Variants in CLMP observed in about 807,000 individuals in gnomAD.
CLMP encodes the protein CXADR-like membrane protein.
In CLMP, 27 loss-of-function variants were observed where a neutral mutation model predicts 45.2. The observed-to-expected ratio is 0.60, with a 90% CI of 0.44 to 0.82. CLMP has a LOEUF of 0.82. CLMP is among the 40% of genes least tolerant of loss of function. The pLI is 0.00. For synonymous variants in CLMP, 167 were observed against 171.4 expected (o/e 0.97, Z 0.20); for missense variants, 403 against 448.4 (o/e 0.90, Z 0.91).
intron 1 of CLMP, among the ~76,000 whole-genome samples, chr11:123,110,049 C>G (rs1367705543): frequency 6.6e-6 from 1 of 152,180 alleles, no homozygotes; most frequent in Non-Finnish European, 1.5e-5. Context: ...GGCCACAAAA[C>G]AAGTAATAGG....
intron 1 of CLMP, among the ~76,000 whole-genome samples, chr11:123,172,732 T>G (rs1833346844): frequency 1.3e-5 from 2 of 152,336 alleles, no homozygotes; most frequent in South Asian, 4.1e-4. Flanking sequence ...GTGATCCACC[T>G]GCCTTGGCCT....
chr11:123,100,381 A>AG (rs1241078349), intron 1 of CLMP, among the ~76,000 whole-genome samples: 5 of 141,362 alleles, frequency 3.5e-5, no homozygotes, highest in African/African-American at 1.3e-4. Flanking sequence ...ACTCCCTCTC[A>AG]GAAAAAAAAA....
chr11:123,106,789 G>C (rs1485923335), intron 1 of CLMP, among the ~76,000 whole-genome samples: 1 of 152,036 alleles, frequency 6.6e-6, no homozygotes, highest in Non-Finnish European at 1.5e-5. Context: ...GGGAGGTCGA[G>C]GTGGGCGGAT....
chr11:123,093,265 A>G (rs1433851520), intron 2 of CLMP, among the ~76,000 whole-genome samples: 3 of 152,180 alleles, frequency 2.0e-5, no homozygotes, highest in Non-Finnish European at 4.4e-5. Flanking sequence ...AGACTGTCTC[A>G]ATATTTAATG....
chr11:123,097,904 A>T lies in CLMP; in HGVS notation c.77T>A (p.Val26Glu). ...TLGTHTEIKR[V>E]AEEKVTLPCH... ...GGGCAAAGTGACCTTTTCCTCTGCC[A>T]CTCTCTTGATCTCAGTGTGAGTCCC... Residue 26 changes from valine (V) to glutamate (E), a missense_variant, in exon 2 of 7, where the codon GTG becomes GAG. Transcript: ENST00000448775. 1 of 1,607,246 alleles carries T rather than the reference A, an allele frequency of 6.2e-7. No homozygotes were observed. Among genetic ancestry groups the T allele is most frequent in the Non-Finnish European group, 8.5e-7 (1 of 1,177,060 alleles).
chr11:123,183,540 C>T (rs532669183), intron 1 of CLMP, among the ~76,000 whole-genome samples: 98 of 152,220 alleles, frequency 6.4e-4, no homozygotes, highest in African/African-American at 2.3e-3. Flanking sequence ...CTGAGGGTCA[C>T]TCTTTGAGTA....
intron 1 of CLMP, among the ~76,000 whole-genome samples, chr11:123,145,767 C>A (rs867656745): frequency 6.6e-6 from 1 of 152,144 alleles, no homozygotes; most frequent in Non-Finnish European, 1.5e-5. Flanking sequence ...CCCGGCCTTG[C>A]GGCTGGTTTT....
rs888979782 is a variant in CLMP at position 123,185,671 on chromosome 11, C to CGCTGA, written c.28+9237_28+9241dup. ...GGAAGGCAGATGGGTACCAGGCCTC[C>CGCTGA]GCTGAAAACCCGGACTCTGCCTGCC... On this transcript the variant is annotated intron_variant, in intron 1 of 6. Coordinates refer to ENST00000448775, the MANE Select transcript of CLMP (RefSeq NM_024769.5). Among the ~76,000 whole-genome samples the CGCTGA allele has an allele frequency of 4.6e-5, 7 of 152,240 alleles. No individual in the cohort carries two copies. The South Asian group carries it at 1.0e-3, about 23-fold the overall frequency.
intron 5 of CLMP, among the ~76,000 whole-genome samples, chr11:123,077,272 GA>G (rs1865752399): frequency 6.6e-6 from 1 of 151,858 alleles, no homozygotes. Flanking sequence ...AAAGTGCTGG[GA>G]TTTCAGGCGT....
At chr11:123,100,601 T>A (rs1174064714) in intron 1 of CLMP, among the ~76,000 whole-genome samples, 1 of 152,032 alleles carries the variant, frequency 6.6e-6, no homozygotes, top group Non-Finnish European at 1.5e-5. Context: ...CCCTTTCCAC[T>A]GCTGATGCTC....
chr11:123,130,892 G>T (rs1204598272), intron 1 of CLMP, among the ~76,000 whole-genome samples: 1 of 146,478 alleles, frequency 6.8e-6, no homozygotes, highest in Non-Finnish European at 1.5e-5. Context: ...ACCCAGGCTG[G>T]AGTGCAGTGG....
intron 1 of CLMP, among the ~76,000 whole-genome samples, chr11:123,111,997 C>G (rs1860645776): frequency 6.6e-6 from 1 of 152,088 alleles, no homozygotes; most frequent in Non-Finnish European, 1.5e-5. Context: ...AGTGATGCCC[C>G]TGGCTCGGAA....
intron 1 of CLMP, among the ~76,000 whole-genome samples, chr11:123,112,043 C>T (rs1860646264): frequency 6.6e-6 from 1 of 152,034 alleles, no homozygotes; most frequent in African/African-American, 2.4e-5. Flanking sequence ...TATTATGAAA[C>T]AAATCAATTC....
chr11:123,117,242 T>C lies in CLMP; in HGVS notation c.29-19290A>G, dbSNP rs1210794218. ...TAAGGGATATAAATATATATGTATA[T>C]ATATAATTTCATTTAATCAGAACAA... On this transcript the variant is annotated intron_variant, in intron 1 of 6. Coordinates refer to ENST00000448775, the MANE Select transcript of CLMP (RefSeq NM_024769.5). Among the ~76,000 whole-genome samples, 10 of 151,956 alleles carry C rather than the reference T, an allele frequency of 6.6e-5. No homozygotes were observed. The East Asian group carries it at 1.7e-3, about 26-fold the overall frequency.
intron 1 of CLMP, among the ~76,000 whole-genome samples, chr11:123,131,200 T>C (rs1315281426): frequency 3.9e-5 from 6 of 152,074 alleles, no homozygotes; most frequent in Non-Finnish European, 8.8e-5. Context: ...CATTTTTCTT[T>C]CCCCCCAAAT....
At chr11:123,163,031 C>A (rs543095012) in intron 1 of CLMP, among the ~76,000 whole-genome samples, 62 of 152,118 alleles carry the variant, frequency 4.1e-4, no homozygotes, top group African/African-American at 1.4e-3. Context: ...GTACCTGTAC[C>A]TTGAAGAAGG....
At chr11:123,167,473 G>C in intron 1 of CLMP, among the ~76,000 whole-genome samples, 1 of 152,054 alleles carries the variant, frequency 6.6e-6, no homozygotes, top group Non-Finnish European at 1.5e-5. Context: ...TTTTAGTAGA[G>C]ACGGGGTTTC....
intron 1 of CLMP, among the ~76,000 whole-genome samples, chr11:123,109,108 G>T (rs1405315896): frequency 4.0e-5 from 6 of 150,784 alleles, no homozygotes; most frequent in Admixed American, 4.0e-4. Context: ...TGGTTGAGTT[G>T]CCTCCCTTCC....
chr11:123,106,420 TGTGTGCGCGCGCGCGCGC>T (rs1409055318), intron 1 of CLMP, among the ~76,000 whole-genome samples: 8 of 106,952 alleles, frequency 7.5e-5, no homozygotes, highest in South Asian at 5.8e-4. Flanking sequence ...TGTGTGTGTG[TGTGTGCGCGCGCGCGCGC>T]GCACGTGCCT....
Sources: allele counts gnomAD v4.1 joint callset (sites outside exome capture counted in the v4.1 genomes callset), GRCh38; gene constraint gnomAD v4.1.1; transcripts MANE v1.5; gene names NCBI Gene and HGNC (gene_info 2026-07-23, HGNC 2026-07-21).